The following MYCBP2 variants were observed in gnomAD, a reference collection of about 807,000 sequenced individuals.
The protein encoded by MYCBP2 is MYC binding protein 2, also known as E3 ubiquitin-protein ligase MYCBP2.
In MYCBP2, 120 loss-of-function variants were observed where a neutral mutation model predicts 525.3. That is an observed-to-expected ratio of 0.23 (90% CI 0.20 to 0.27). The LOEUF (loss-of-function observed/expected upper bound fraction) is 0.27. MYCBP2 is among the 10% of genes least tolerant of loss of function. The pLI, the probability that MYCBP2 is intolerant of heterozygous loss-of-function variation, is 1.00. For synonymous variants in MYCBP2, 1,894 were observed against 1,955.8 expected (o/e 0.97, Z 0.83); for missense variants, 4,149 against 5,657.1 (o/e 0.73, Z 8.55).
intron 18 of MYCBP2, among the ~76,000 whole-genome samples, chr13:77,230,942 T>C (rs182382111): frequency 6.6e-6 from 1 of 152,300 alleles, no homozygotes. Flanking sequence ...ATTAGGGATG[T>C]TCAACATGTC....
chr13:77,292,145 C>T (rs2077544565), intron 2 of MYCBP2, among the ~76,000 whole-genome samples: 1 of 152,204 alleles, frequency 6.6e-6, no homozygotes, highest in African/African-American at 2.4e-5. Flanking sequence ...ATACACATTT[C>T]TCTGTAGTTC....
intron 5 of MYCBP2, among the ~76,000 whole-genome samples, chr13:77,271,452 A>G (rs2074882694): frequency 6.6e-6 from 1 of 152,170 alleles, no homozygotes; most frequent in East Asian, 1.9e-4. Flanking sequence ...TTGGGTGCCA[A>G]AACAAATCTG....
At chr13:77,251,756 A>C (rs761507832) in intron 14 of MYCBP2, among the ~76,000 whole-genome samples, 1 of 152,174 alleles carries the variant, frequency 6.6e-6, no homozygotes, top group Non-Finnish European at 1.5e-5. Flanking sequence ...CCCAAAGCAC[A>C]TGACAACTTC....
At chr13:77,154,720 C>T (rs891666615) in intron 46 of MYCBP2, among the ~76,000 whole-genome samples, 10 of 152,042 alleles carry the variant, frequency 6.6e-5, no homozygotes, top group African/African-American at 2.2e-4. Context: ...AATATACAAG[C>T]CCTTCAACAT....
Position 77,225,468 on chromosome 13 carries a change from C to T in MYCBP2, c.2824G>A (p.Ala942Thr). ...GSVRFDCELR[A>T]VQVSCGFHHS... ...TGAAATCCACAGCTGACTTGGACTG[C>T]CCGGAGCTCACAGTCAAATCGCACA... Residue 942 changes from alanine (A) to threonine (T), a missense_variant, in exon 19 of 83, where the codon GCA becomes ACA. By Grantham distance (58) the Ala-to-Thr change is moderately conservative. Transcript: ENST00000544440. 6.2e-7 allele frequency: 1 copy of T among 1,613,752 alleles called. No homozygotes were observed. Among genetic ancestry groups the T allele is most frequent in the Non-Finnish European group, 8.5e-7 (1 of 1,179,778 alleles).
Position 77,077,175 on chromosome 13 carries a change from C to G in MYCBP2, c.11697G>C (p.Leu3899=), listed in dbSNP as rs2154097647. Residue 3899 remains leucine, a synonymous_variant, in exon 67 of 83, where the codon CTG becomes CTC. Coordinates refer to ENST00000544440, the MANE Select transcript of MYCBP2 (RefSeq NM_015057.5). The part of the protein sequence containing the change: ...AQQRNCEAET[L]RVFRLITSQV... ...GAGACGTAATCAGTCTGAATACTCG[C>G]AGAGTCTCAGCTTCACAGTTCCTCT... 1 of 1,613,968 alleles carries G rather than the reference C, an allele frequency of 6.2e-7. No individual in the cohort carries two copies. Among genetic ancestry groups the G allele is most frequent in the Non-Finnish European group, 8.5e-7 (1 of 1,179,968 alleles).
chr13:77,159,295 A>C (rs538791365), intron 44 of MYCBP2, among the ~76,000 whole-genome samples: 1 of 152,334 alleles, frequency 6.6e-6, no homozygotes, highest in African/African-American at 2.4e-5. Flanking sequence ...TATATAATAC[A>C]TTGCCTAACA....
chr13:77,300,460 T>A lies in MYCBP2; in HGVS notation c.303-3786A>T, dbSNP rs150402973. Among the ~76,000 whole-genome samples, 1,342 of 152,318 alleles carry A rather than the reference T, an allele frequency of 8.8e-3. 26 individuals are homozygous for A. The highest frequency in any genetic ancestry group is 0.031 in the African/African-American group (1,282 of 41,550). On this transcript the variant is annotated intron_variant, in intron 1 of 82. Transcript: ENST00000544440. ...CTCACAAAACATTCTCTTCCTTTTT[T>A]ATTTTCTTTTCAACCTTTTAAAAAT...
chr13:77,303,161 C>T (rs1384803346), intron 1 of MYCBP2, among the ~76,000 whole-genome samples: 3 of 152,126 alleles, frequency 2.0e-5, no homozygotes, highest in Non-Finnish European at 2.9e-5. Flanking sequence ...GGTGAAATAC[C>T]GTCTCTACTA....
chr13:77,250,783 T>C (rs1241684491), intron 15 of MYCBP2, among the ~76,000 whole-genome samples: 2 of 152,176 alleles, frequency 1.3e-5, no homozygotes, highest in African/African-American at 2.4e-5. Context: ...ATCGATAATT[T>C]TATTTAGAAA....
At chr13:77,274,685 T>A (rs1255665592) in intron 4 of MYCBP2, among the ~76,000 whole-genome samples, 4 of 152,162 alleles carry the variant, frequency 2.6e-5, no homozygotes, top group Admixed American at 2.0e-4. Context: ...CTTTTCCCTA[T>A]CTCATCATCA....
chr13:77,185,081 A>T (rs2060602843), intron 32 of MYCBP2, 22 bp downstream of exon 32: 1 of 1,603,872 alleles, frequency 6.2e-7, no homozygotes, highest in South Asian at 1.1e-5. Context: ...TTTTCAACTA[A>T]CATTTTACAA....
At chr13:77,130,497 G>A (rs1361804131) in intron 52 of MYCBP2, among the ~76,000 whole-genome samples, 1 of 151,718 alleles carries the variant, frequency 6.6e-6, no homozygotes, top group African/African-American at 2.4e-5. Context: ...ATAAATATAA[G>A]ACATATAAAA....
intron 82 of MYCBP2, among the ~76,000 whole-genome samples, chr13:77,049,188 A>AC (rs1241770410): frequency 1.3e-5 from 2 of 150,640 alleles, no homozygotes; most frequent in Admixed American, 1.3e-4. Flanking sequence ...CCAGCACATC[A>AC]CCCCCTCCCT....
chr13:77,044,956 T>C lies in MYCBP2; in HGVS notation c.*422A>G. ...AAATAAACCAGAATATTCCTCTTTT[T>C]ATCCCCACCCGTGATGCAATTGTAC... On this transcript the variant is annotated 3_prime_UTR_variant, in exon 83 of 83. Transcript: ENST00000544440. 2.5e-6 allele frequency: 1 copy of C among 401,072 alleles called. No individual in the cohort carries two copies. Among genetic ancestry groups the C allele is most frequent in the East Asian group, 3.6e-5 (1 of 28,112 alleles). The allele number at this position is 401,072 out of a possible 1,614,324, so 24.8% of individuals were successfully genotyped here.
intron 62 of MYCBP2, among the ~76,000 whole-genome samples, chr13:77,086,292 T>C (rs990638792): frequency 6.6e-6 from 1 of 152,096 alleles, no homozygotes; most frequent in Non-Finnish European, 1.5e-5. Flanking sequence ...TTTTAACTTG[T>C]AATGTTGCTA....
intron 44 of MYCBP2, among the ~76,000 whole-genome samples, chr13:77,158,626 T>G (rs2057498307): frequency 6.6e-6 from 1 of 152,122 alleles, no homozygotes; most frequent in South Asian, 2.1e-4. Flanking sequence ...TTTAAAACTT[T>G]TTGTAGAGAT....
intron 23 of MYCBP2, among the ~76,000 whole-genome samples, chr13:77,208,623 T>G (rs1178607955): frequency 6.6e-6 from 1 of 152,190 alleles, no homozygotes; most frequent in Non-Finnish European, 1.5e-5. Context: ...AGTAGGTATG[T>G]TTTTATTTAC....
At chr13:77,103,326 T>C (rs765343587) in intron 55 of MYCBP2, 18 of 397,230 alleles carry the variant, frequency 4.5e-5, no homozygotes, top group Middle Eastern at 6.2e-4. Context: ...GTGGAAAACA[T>C]TGGCAAAGAA....
Sources: gnomAD v4.1 joint callset for allele counts (sites outside exome capture counted in the v4.1 genomes callset) on GRCh38, gnomAD v4.1.1 for gene constraint, MANE v1.5 for transcripts, NCBI Gene and HGNC (gene_info 2026-07-23, HGNC 2026-07-21) for gene names.